Variants in FAT2 observed in about 807,000 individuals in gnomAD.
The protein encoded by FAT2 is protocadherin Fat 2.
FAT2 carries 150 observed loss-of-function variants against 295.3 expected under a neutral mutation model. The ratio of observed to expected loss-of-function variants is 0.51; its 90% CI spans 0.44 to 0.58. The LOEUF (loss-of-function observed/expected upper bound fraction) is 0.58. Among genes scored for constraint, FAT2 ranks in the 20% least tolerant of loss-of-function variants. The pLI, the probability that FAT2 is intolerant of heterozygous loss-of-function variation, is 0.00. For missense variants in FAT2, 4,868 were observed against 5,442.7 expected, an observed-to-expected ratio of 0.89 and a Z score of 3.32; for synonymous variants, 2,026 against 2,150.3, an observed-to-expected ratio of 0.94 and a Z score of 1.60.
Position 151,543,598 on chromosome 5 carries a change from C to T in FAT2, c.7529G>A (p.Ser2510Asn), listed in dbSNP as rs147558725. 10 of 1,614,218 alleles carry T rather than the reference C, an allele frequency of 6.2e-6. No homozygotes were observed. The Admixed American group carries it at 1.7e-4, about 27-fold the overall frequency. ...ATAATCTATAGTGCCATAGGGACCA[C>T]TATCTTTGTCTATGGCTAGCAAATC... ...VIDLLAIDKD[S>N]GPYGTIDYTI... Residue 2510 changes from serine to asparagine, a missense_variant, in exon 10 of 24, where the codon AGT becomes AAT. Physicochemically the swap from Ser to Asn is conservative, Grantham distance 46. Coordinates refer to ENST00000261800, the MANE Select transcript of FAT2 (RefSeq NM_001447.3).
At chr5:151,539,736 A>G (rs1419070788) in intron 11 of FAT2, among the ~76,000 whole-genome samples, 1 of 152,226 alleles carries the variant, frequency 6.6e-6, no homozygotes, top group Non-Finnish European at 1.5e-5. Flanking sequence ...TTTAAAAGCA[A>G]AGCTCCATGA....
In FAT2 at chr5:151,521,335, G is replaced by T. The variant is rs747332638; in HGVS notation, c.11258C>A (p.Thr3753Asn). The change falls in exon 19 of 24, where the codon ACC (threonine) becomes AAC (asparagine). Residue 3753 changes from threonine (T) to asparagine (N), a missense_variant. Physicochemically the swap from Thr to Asn is moderately conservative, Grantham distance 65. Coordinates refer to ENST00000261800, the MANE Select transcript of FAT2 (RefSeq NM_001447.3). Reference protein sequence around the residue: ...LDPKVGPTYSTARLSILTPRH... With the variant: ...LDPKVGPTYSNARLSILTPRH... ...CGGGGTTAGGATGCTGAGCCTGGCG[G>T]TGCTGTACGTGGGCCCAACCTTGGG... 2 of 1,614,094 alleles carry T rather than the reference G, an allele frequency of 1.2e-6. No homozygotes were observed. Among genetic ancestry groups the T allele is most frequent in the Non-Finnish European group, 1.7e-6 (2 of 1,179,912 alleles).
intron 18 of FAT2, among the ~76,000 whole-genome samples, chr5:151,523,375 C>T (rs1400933521): frequency 6.6e-6 from 1 of 152,006 alleles, no homozygotes; most frequent in East Asian, 1.9e-4. Context: ...CTAGTTTATC[C>T]TTCTTATGAG....
Position 151,550,600 on chromosome 5 carries a change from A to G in FAT2, c.4568T>C (p.Leu1523Pro). Residue 1523 changes from leucine (L) to proline (P), a missense_variant, in exon 8 of 24, where the codon CTG (leucine) becomes CCG (proline). Leu to Pro is a moderately conservative substitution (Grantham distance 98, BLOSUM62 -3). Coordinates refer to ENST00000261800, the MANE Select transcript of FAT2 (RefSeq NM_001447.3). ...TTTCCATTTACTCACCATGACTGTC[A>G]GTGTGTGCTGGGAGGGCCCCGAGCC... Reference protein sequence around the residue: ...DLGSGPSQHTLTVMVRDQEIP... With the variant: ...DLGSGPSQHTPTVMVRDQEIP... The G allele has an allele frequency of 6.2e-7, 1 of 1,614,088 alleles. No individual in the cohort carries two copies. The highest frequency in any genetic ancestry group is 8.5e-7 in the Non-Finnish European group (1 of 1,179,970).
chr5:151,560,184 C>A (rs1757961110), intron 3 of FAT2, among the ~76,000 whole-genome samples: 1 of 152,162 alleles, frequency 6.6e-6, no homozygotes, highest in Admixed American at 6.5e-5. Flanking sequence ...TTCTTCCCTC[C>A]TGCAGCATCA....
chr5:151,575,697 A>AT (rs1310989833), intron 1 of FAT2, among the ~76,000 whole-genome samples: 2 of 152,194 alleles, frequency 1.3e-5, no homozygotes, highest in African/African-American at 4.8e-5. Flanking sequence ...TAGGTGATGG[A>AT]TGCAAGCACC....
intron 9 of FAT2, among the ~76,000 whole-genome samples, chr5:151,548,721 TCC>T (rs1237541436): frequency 1.3e-5 from 2 of 152,150 alleles, no homozygotes; most frequent in African/African-American, 4.8e-5. Flanking sequence ...CCTCAGGTGA[TCC>T]GCCCGCCTCG....
Position 151,521,430 on chromosome 5 carries a change from A to G in FAT2, c.11163T>C (p.Ala3721=). Residue 3721 remains alanine, a synonymous_variant, in exon 19 of 24, where the codon GCT becomes GCC. Transcript: ENST00000261800. ...EHSVGVQMRS[A]MPMVPCQGPT... ...GCCCCTGGCAGGGCACCATGGGCAT[A>G]GCTGACCGCATCTGAACCCCCACTG... 6.2e-7 allele frequency: 1 copy of G among 1,614,214 alleles called. No individual in the cohort carries two copies. Among genetic ancestry groups the G allele is most frequent in the Non-Finnish European group, 8.5e-7 (1 of 1,180,036 alleles).
intron 3 of FAT2, among the ~76,000 whole-genome samples, 191 bp from the exon 4 acceptor site, chr5:151,556,593 C>T (rs529997863): frequency 6.6e-6 from 1 of 152,308 alleles, no homozygotes; most frequent in African/African-American, 2.4e-5. Flanking sequence ...GGAAGTGATA[C>T]ACATTCAGTA....
intron 1 of FAT2, among the ~76,000 whole-genome samples, chr5:151,573,145 T>C (rs1353427645): frequency 6.6e-6 from 1 of 152,186 alleles, no homozygotes; most frequent in Non-Finnish European, 1.5e-5. Context: ...AGAAGGTGGC[T>C]AACAACACAC....
chr5:151,554,656 A>G lies in FAT2; in HGVS notation c.3651T>C (p.Asn1217=), dbSNP rs2127631670. 6.2e-7 allele frequency: 1 copy of G among 1,613,444 alleles called. No homozygotes were observed. The highest frequency in any genetic ancestry group is 8.5e-7 in the Non-Finnish European group (1 of 1,179,798). ...EHILEVTVLD[N]GEPSLKSTSR... is the part of the protein sequence containing the mutation. Reference sequence around the variant, plus strand: ...AGGTGGACTTCAGTGAGGGTTCCCCATTGTCCAGCACAGTCACCTGGGAGC... The same window carrying G: ...AGGTGGACTTCAGTGAGGGTTCCCCGTTGTCCAGCACAGTCACCTGGGAGC... The change falls in exon 5 of 24, where the codon AAT becomes AAC. Residue 1217 remains asparagine (N), a synonymous_variant. Coordinates refer to ENST00000261800, the MANE Select transcript of FAT2 (RefSeq NM_001447.3).
At chr5:151,572,401 G>A (rs565360706) in intron 1 of FAT2, among the ~76,000 whole-genome samples, 49 of 152,334 alleles carry the variant, frequency 3.2e-4, no homozygotes, top group Non-Finnish European at 5.9e-4. Context: ...AAGAAAGAAA[G>A]AGACTTGCCC....
upstream of FAT2, among the ~76,000 whole-genome samples, chr5:151,592,210 G>A (rs1448527655): frequency 3.3e-5 from 5 of 152,182 alleles, no homozygotes; most frequent in East Asian, 9.6e-4. Flanking sequence ...TTAAGGGAAA[G>A]GGAGAAGAGT....
At chr5:151,594,146 C>T (rs566919304), upstream of FAT2, among the ~76,000 whole-genome samples, 60 of 152,318 alleles carry the variant, frequency 3.9e-4, no homozygotes, top group African/African-American at 1.4e-3. Flanking sequence ...CTCAGAAAAG[C>T]TTTAATTACT....
In FAT2 at chr5:151,550,652, G is replaced by A; in HGVS notation, c.4516C>T (p.Leu1506=). Residue 1506 remains leucine, a synonymous_variant, in exon 8 of 24, where the codon CTG becomes TTG. Coordinates refer to ENST00000261800, the MANE Select transcript of FAT2 (RefSeq NM_001447.3). ...AGGTCCAATTTTCCCACCGTTACCAGGACACCACTGCTTGGGTCCAGCTGG... is the reference window on the plus strand; with the variant it reads ...AGGTCCAATTTTCCCACCGTTACCAAGACACCACTGCTTGGGTCCAGCTGG... ...LFQLDPSSGV[L]VTVGKLDLGS... 1 of 1,614,184 alleles carries A rather than the reference G, an allele frequency of 6.2e-7. No homozygotes were observed. The highest frequency in any genetic ancestry group is 1.1e-5 in the South Asian group (1 of 91,082).
chr5:151,567,474 A>T lies in FAT2; in HGVS notation c.1458T>A (p.Asp486Glu). Residue 486 changes from aspartate (D) to glutamate (E), a missense_variant, in exon 2 of 24, where the codon GAT (aspartate) becomes GAA (glutamate). Physicochemically the swap from Asp to Glu is conservative, Grantham distance 45. Transcript: ENST00000261800. ...SVLAVTATDR[D>E]HGENGYVTYS... ...AGGTGACATATCCATTTTCCCCATG[A>T]TCCCGGTCAGTGGCAGTCACAGCCA... 1 of 1,614,134 alleles carries T rather than the reference A, an allele frequency of 6.2e-7. No individual in the cohort carries two copies. The highest frequency in any genetic ancestry group is 8.5e-7 in the Non-Finnish European group (1 of 1,180,012).
rs1756319423 is a variant in FAT2 at position 151,543,130 on chromosome 5, C to G, written c.7997G>C (p.Gly2666Ala). 6.2e-7 allele frequency: 1 copy of G among 1,614,062 alleles called. No individual in the cohort carries two copies. ...CAGAGAGTTCCAGTGAGGAGGGCCT[C>G]CATCTTGGGCTTTGATGAAGAAGTC... is the stretch of plus-strand genomic sequence containing the variant. ...TLDFFIKAQD[G>A]GPPHWNSLVP... Residue 2666 changes from glycine (G) to alanine (A), a missense_variant, in exon 10 of 24, where the codon GGA (glycine) becomes GCA (alanine). Gly to Ala is a moderately conservative substitution (Grantham distance 60). Coordinates refer to ENST00000261800, the MANE Select transcript of FAT2 (RefSeq NM_001447.3).
rs1425789710 is a variant in FAT2 at position 151,568,469 on chromosome 5, C to A, written c.463G>T (p.Val155Phe). ...AGGGGCATGTCCTCAGAGATGGTGA[C>A]TCTGTACGAAGGTGGAGAGAAGAGA... Reference protein sequence around the residue: ...KPLFSPPSYRVTISEDMPLKS... With the variant: ...KPLFSPPSYRFTISEDMPLKS... The change falls in exon 2 of 24, where the codon GTC becomes TTC. Residue 155 changes from valine to phenylalanine, a missense_variant. Transcript: ENST00000261800. The A allele has an allele frequency of 6.2e-7, 1 of 1,614,114 alleles. No homozygotes were observed. The highest frequency in any genetic ancestry group is 1.7e-5 in the Admixed American group (1 of 60,020).
Position 151,510,241 on chromosome 5 carries a change from C to T in FAT2, c.11906-67G>A, listed in dbSNP as rs1761216512. 1.9e-6 allele frequency: 3 copies of T among 1,550,982 alleles called. No homozygotes were observed. In the Admixed American group the frequency reaches 5.1e-5, roughly 27 times the overall value. On this transcript the variant is annotated intron_variant, in intron 21 of 23. Coordinates refer to ENST00000261800, the MANE Select transcript of FAT2 (RefSeq NM_001447.3). ...GCAGTTAAAGGAGACCTGGCATTGGCAGACTGGTGTGTTTGTGCAGCCGTT... is the reference window on the plus strand; with the variant it reads ...GCAGTTAAAGGAGACCTGGCATTGGTAGACTGGTGTGTTTGTGCAGCCGTT...
Sources: allele counts gnomAD v4.1 joint callset (sites outside exome capture counted in the v4.1 genomes callset), GRCh38; gene constraint gnomAD v4.1.1; transcripts MANE v1.5; gene names NCBI Gene and HGNC (gene_info 2026-07-23, HGNC 2026-07-21).